GUCY1A2: variants seen among roughly 807,000 people sequenced by gnomAD.
GUCY1A2 encodes the protein guanylate cyclase soluble subunit alpha-2.
GUCY1A2 carries 27 observed loss-of-function variants against 63.5 expected under a neutral mutation model. The ratio of observed to expected loss-of-function variants is 0.43; its 90% CI spans 0.31 to 0.59. GUCY1A2 has a LOEUF of 0.59. GUCY1A2 is among the 20% of genes least tolerant of loss of function. The pLI is 0.11. For missense variants in GUCY1A2, 768 were observed against 913.3 expected (o/e 0.84, Z 2.05); for synonymous variants, 364 against 343.5 (o/e 1.06, Z -0.66).
At chr11:106,893,902 T>A (rs1471590663) in intron 4 of GUCY1A2, among the ~76,000 whole-genome samples, 1 of 152,142 alleles carries the variant, frequency 6.6e-6, no homozygotes, top group Non-Finnish European at 1.5e-5. Context: ...TTGTGATTAT[T>A]ACTTCATGGA....
intron 4 of GUCY1A2, among the ~76,000 whole-genome samples, chr11:106,862,656 G>A (rs1176086772): frequency 6.6e-6 from 1 of 151,722 alleles, no homozygotes; most frequent in African/African-American, 2.4e-5. Context: ...ATACTGAACC[G>A]TTTTTGCTAG....
At chr11:106,925,722 C>T (rs1241439915) in intron 4 of GUCY1A2, among the ~76,000 whole-genome samples, 1 of 152,178 alleles carries the variant, frequency 6.6e-6, no homozygotes, top group African/African-American at 2.4e-5. Context: ...AGCTTCTTCC[C>T]AGTCATAAAG....
At chr11:106,703,642 C>T (rs111572612) in intron 7 of GUCY1A2, among the ~76,000 whole-genome samples, 82 of 152,216 alleles carry the variant, frequency 5.4e-4, no homozygotes, top group Non-Finnish European at 7.8e-4. Flanking sequence ...ATGACGCCCA[C>T]GCTGATTTTA....
intron 4 of GUCY1A2, among the ~76,000 whole-genome samples, chr11:106,871,851 A>T (rs7109075): frequency 0.11 from 16,757 of 152,148 alleles, 1,028 homozygotes; most frequent in African/African-American, 0.15. Flanking sequence ...ACTCATTATG[A>T]ATTAGGAGTA....
At chr11:106,820,141 AACAC>A (rs1292262744) in intron 4 of GUCY1A2, among the ~76,000 whole-genome samples, 6 of 152,200 alleles carry the variant, frequency 3.9e-5, no homozygotes, top group African/African-American at 1.4e-4. Flanking sequence ...TTTGATTCTT[AACAC>A]ACAATTATTC....
Position 106,776,473 on chromosome 11 carries a change from T to G in GUCY1A2, c.1802A>C (p.Glu601Ala). 6.2e-7 allele frequency: 1 copy of G among 1,613,920 alleles called. No individual in the cohort carries two copies. Among genetic ancestry groups the G allele is most frequent in the Non-Finnish European group, 8.5e-7 (1 of 1,179,822 alleles). The change falls in exon 6 of 8, where the codon GAA becomes GCA. Residue 601 changes from glutamate to alanine, a missense_variant. By Grantham distance (107) the Glu-to-Ala change is moderately radical. Coordinates refer to ENST00000526355, the MANE Select transcript of GUCY1A2 (RefSeq NM_000855.3). ...LMALKMMELS[E>A]EVLTPDGRPI... ...TCTTCCATCAGGTGTCAGCACCTCTTCTGAAAGTTCCATCATCTTCAAGGC... is the reference window on the plus strand; with the variant it reads ...TCTTCCATCAGGTGTCAGCACCTCTGCTGAAAGTTCCATCATCTTCAAGGC...
At chr11:106,797,978 G>C (rs1488195822) in intron 5 of GUCY1A2, among the ~76,000 whole-genome samples, 2 of 152,262 alleles carry the variant, frequency 1.3e-5, no homozygotes, top group African/African-American at 4.8e-5. Context: ...GAATCCAGGA[G>C]CTGGTTTTTT....
intron 1 of GUCY1A2, among the ~76,000 whole-genome samples, chr11:107,015,520 G>T (rs1861808084): frequency 8.8e-6 from 1 of 114,050 alleles, no homozygotes; most frequent in Non-Finnish European, 1.6e-5. Context: ...ATTATCAGAG[G>T]CATTGACATT....
intron 6 of GUCY1A2, among the ~76,000 whole-genome samples, chr11:106,709,287 A>G (rs1189280510): frequency 1.8e-5 from 1 of 55,156 alleles, no homozygotes; most frequent in Non-Finnish European, 2.8e-5. Context: ...ATAAATTTAT[A>G]TATATTTATA....
chr11:106,870,755 T>C (rs1392280949), intron 4 of GUCY1A2, among the ~76,000 whole-genome samples: 1 of 152,138 alleles, frequency 6.6e-6, no homozygotes, highest in Admixed American at 6.6e-5. Flanking sequence ...TCCAGAAAGC[T>C]TCTTCTTCTC....
intron 3 of GUCY1A2, among the ~76,000 whole-genome samples, chr11:106,963,527 T>C (rs577323666): frequency 3.3e-5 from 5 of 152,326 alleles, no homozygotes; most frequent in East Asian, 1.9e-4. Flanking sequence ...CTGGTATCAA[T>C]TGCCCTGCAA....
chr11:106,786,259 C>T (rs555619006), intron 5 of GUCY1A2, among the ~76,000 whole-genome samples: 2 of 152,178 alleles, frequency 1.3e-5, no homozygotes, highest in South Asian at 4.1e-4. Context: ...ACAGCCTCTT[C>T]ATTCTTTCTT....
chr11:106,890,929 G>C (rs76803861), intron 4 of GUCY1A2, among the ~76,000 whole-genome samples: 4,916 of 152,190 alleles, frequency 0.032, 258 homozygotes, highest in African/African-American at 0.11. Context: ...TCATAAAGCT[G>C]TTAGAAATAT....
chr11:106,725,669 T>TA (rs1280915680), intron 6 of GUCY1A2, among the ~76,000 whole-genome samples: 2 of 152,232 alleles, frequency 1.3e-5, no homozygotes, highest in Non-Finnish European at 2.9e-5. Context: ...AATTACTTTT[T>TA]ATCACAATAT....
chr11:106,984,379 A>G (rs1861375042), intron 2 of GUCY1A2, among the ~76,000 whole-genome samples: 1 of 152,206 alleles, frequency 6.6e-6, no homozygotes, highest in Non-Finnish European at 1.5e-5. Context: ...ACCACAGACC[A>G]TGTCTACATA....
chr11:106,864,566 A>C (rs1368477734), intron 4 of GUCY1A2, among the ~76,000 whole-genome samples: 2 of 152,136 alleles, frequency 1.3e-5, no homozygotes, highest in Admixed American at 1.3e-4. Flanking sequence ...TGTCATAAAT[A>C]GCTCTTATTA....
chr11:106,807,764 G>A (rs983269604), intron 5 of GUCY1A2, among the ~76,000 whole-genome samples: 3 of 152,200 alleles, frequency 2.0e-5, no homozygotes, highest in African/African-American at 4.8e-5. Context: ...AGCTGCCAGC[G>A]TGACTAGGAT....
At chr11:106,973,337 T>C (rs1387447711) in intron 3 of GUCY1A2, among the ~76,000 whole-genome samples, 1 of 152,122 alleles carries the variant, frequency 6.6e-6, no homozygotes, top group Non-Finnish European at 1.5e-5. Context: ...ATAGCATAGC[T>C]ATGAAACCAC....
intron 1 of GUCY1A2, among the ~76,000 whole-genome samples, chr11:106,999,861 T>C (rs997049808): frequency 1.3e-5 from 2 of 152,224 alleles, no homozygotes; most frequent in African/African-American, 2.4e-5. Context: ...CTAGATTATC[T>C]AGATTTTTCT....
Sources: allele counts gnomAD v4.1 joint callset (sites outside exome capture counted in the v4.1 genomes callset), GRCh38; gene constraint gnomAD v4.1.1; transcripts MANE v1.5; gene names NCBI Gene and HGNC (gene_info 2026-07-23, HGNC 2026-07-21).